SSH2: variants seen among roughly 807,000 people sequenced by gnomAD.
SSH2 encodes protein phosphatase Slingshot homolog 2.
A neutral mutation model predicts 135.2 loss-of-function variants in SSH2; 37 were observed. The observed-to-expected ratio is 0.27, with a 90% CI of 0.21 to 0.36. SSH2 has a LOEUF of 0.36. SSH2 is among the 10% of genes least tolerant of loss of function. The pLI, the probability that SSH2 is intolerant of heterozygous loss-of-function variation, is 1.00. For synonymous variants in SSH2, 628 were observed against 646.2 expected (o/e 0.97, Z 0.43); for missense variants, 1,408 against 1,765.3 (o/e 0.80, Z 3.63).
intron 11 of SSH2, among the ~76,000 whole-genome samples, chr17:29,666,026 G>A (rs2037256929): frequency 6.6e-6 from 1 of 152,180 alleles, no homozygotes; most frequent in Non-Finnish European, 1.5e-5. Flanking sequence ...TGGCAGATTT[G>A]AGAGTGATCT....
intron 1 of SSH2, among the ~76,000 whole-genome samples, chr17:29,860,069 A>T (rs2151404443): frequency 6.6e-6 from 1 of 152,208 alleles, no homozygotes; most frequent in East Asian, 1.9e-4. Flanking sequence ...GCTGGTTTTG[A>T]ACTCCTGACC....
intron 2 of SSH2, among the ~76,000 whole-genome samples, chr17:29,842,911 A>G (rs2043068038): frequency 6.6e-6 from 1 of 152,186 alleles, no homozygotes; most frequent in African/African-American, 2.4e-5. Flanking sequence ...GCTGTTTGCT[A>G]TTGGCCAACT....
intron 6 of SSH2, among the ~76,000 whole-genome samples, chr17:29,683,266 G>A (rs919641752): frequency 6.6e-6 from 1 of 152,090 alleles, no homozygotes; most frequent in African/African-American, 2.4e-5. Flanking sequence ...ACATTCCAAA[G>A]TCTTCCGAAG....
chr17:29,653,742 A>T (rs1449333431), intron 12 of SSH2, among the ~76,000 whole-genome samples: 5 of 152,072 alleles, frequency 3.3e-5, no homozygotes, highest in Non-Finnish European at 1.5e-5. Context: ...GCCTGCCATC[A>T]CACCTAGCTA....
chr17:29,800,359 A>G (rs1239435590), intron 2 of SSH2, among the ~76,000 whole-genome samples: 2 of 152,252 alleles, frequency 1.3e-5, no homozygotes, highest in African/African-American at 4.8e-5. Context: ...TTATTTAATA[A>G]GAGTAACTAT....
intron 1 of SSH2, among the ~76,000 whole-genome samples, chr17:29,899,131 AAAT>A (rs1178803792): frequency 6.6e-6 from 1 of 152,088 alleles, no homozygotes; most frequent in Admixed American, 6.6e-5. Flanking sequence ...ACGTATCTCA[AAAT>A]AATAAGAGCT....
chr17:29,741,934 C>CTTTTTTTTTTTTTTTT (rs71138848), intron 3 of SSH2, among the ~76,000 whole-genome samples: 2 of 97,910 alleles, frequency 2.0e-5, no homozygotes, highest in African/African-American at 4.0e-5. Flanking sequence ...ATTTTTTTTT[C>CTTTTTTTTTTTTTTTT]TTTTTTTTTT....
chr17:29,689,403 G>A (rs535131119), intron 5 of SSH2, among the ~76,000 whole-genome samples: 6 of 152,232 alleles, frequency 3.9e-5, no homozygotes, highest in African/African-American at 1.4e-4. Flanking sequence ...TGTTTCTTCA[G>A]TCTCCAGAAC....
At chr17:29,890,268 A>C (rs2066323420) in intron 1 of SSH2, among the ~76,000 whole-genome samples, 1 of 152,216 alleles carries the variant, frequency 6.6e-6, no homozygotes, top group Non-Finnish European at 1.5e-5. Flanking sequence ...TTCATCAGTT[A>C]AAAAGAGTTA....
intron 2 of SSH2, among the ~76,000 whole-genome samples, chr17:29,804,433 T>C (rs531522922): frequency 2.6e-5 from 4 of 152,330 alleles, no homozygotes; most frequent in African/African-American, 9.6e-5. Context: ...AAAAAGTCCT[T>C]GGACAACAGC....
chr17:29,842,176 A>G (rs1244827913), intron 2 of SSH2, among the ~76,000 whole-genome samples: 1 of 151,994 alleles, frequency 6.6e-6, no homozygotes, highest in East Asian at 1.9e-4. Context: ...CATCACAGCC[A>G]GGCGCAGTGG....
intron 9 of SSH2, among the ~76,000 whole-genome samples, chr17:29,671,457 G>C (rs534438797): frequency 3.3e-5 from 5 of 152,230 alleles, no homozygotes; most frequent in African/African-American, 1.2e-4. Context: ...ACTCCAGCCT[G>C]GGTGACAGAG....
At chr17:29,811,543 A>C (rs186546495) in intron 2 of SSH2, among the ~76,000 whole-genome samples, 41 of 150,044 alleles carry the variant, frequency 2.7e-4, no homozygotes, top group Non-Finnish European at 5.2e-4. Flanking sequence ...TAAGATAGAA[A>C]TACTTATAAA....
intron 4 of SSH2, among the ~76,000 whole-genome samples, chr17:29,700,977 T>C (rs1450931326): frequency 6.6e-6 from 1 of 151,448 alleles, no homozygotes; most frequent in African/African-American, 2.4e-5. Context: ...TTTTCTTTTT[T>C]TCTTTTTTTT....
chr17:29,645,677 A>G (rs1429168637), intron 14 of SSH2: 1 of 152,162 alleles, frequency 6.6e-6, no homozygotes, highest in African/African-American at 2.4e-5. Flanking sequence ...TCTTGTGCCA[A>G]AAAGAACTGC....
intron 15 of SSH2, among the ~76,000 whole-genome samples, chr17:29,633,834 A>G (rs1303419855): frequency 2.0e-5 from 3 of 152,244 alleles, no homozygotes; most frequent in Non-Finnish European, 4.4e-5. Flanking sequence ...GTATCAATCT[A>G]GTTAACATTT....
intron 3 of SSH2, among the ~76,000 whole-genome samples, chr17:29,774,464 C>A (rs1177687051): frequency 1.3e-5 from 2 of 152,160 alleles, no homozygotes; most frequent in Non-Finnish European, 2.9e-5. Flanking sequence ...GGGGTTTCAC[C>A]ATGCTGGTCA....
chr17:29,643,253 G>T, intron 14 of SSH2: 1 of 985,236 alleles, frequency 1.0e-6, no homozygotes, highest in Non-Finnish European at 1.2e-6. Flanking sequence ...CAAGTACCAA[G>T]GTGTCCTAAT....
chr17:29,923,132 A>T (rs1045808374), intron 1 of SSH2, among the ~76,000 whole-genome samples: 2 of 152,108 alleles, frequency 1.3e-5, no homozygotes, highest in African/African-American at 2.4e-5. Flanking sequence ...GGCTGGTCTC[A>T]AACTCCTGAC....
Sources: allele counts gnomAD v4.1 joint callset (sites outside exome capture counted in the v4.1 genomes callset), GRCh38; gene constraint gnomAD v4.1.1; transcripts MANE v1.5; gene names NCBI Gene and HGNC (gene_info 2026-07-23, HGNC 2026-07-21).